Variants in MKLN1 observed in about 807,000 individuals in gnomAD.
MKLN1 encodes the protein muskelin 1, also known as muskelin.
In MKLN1, 18 loss-of-function variants were observed where a neutral mutation model predicts 99.0. The observed-to-expected ratio is 0.18, with a 90% confidence interval of 0.13 to 0.27. The LOEUF (loss-of-function observed/expected upper bound fraction) is 0.27, where lower values mean the gene tolerates loss of function less well. MKLN1 is among the 10% of genes least tolerant of loss of function. The probability of loss-of-function intolerance (pLI) is 1.00; values close to 1 mark genes in which losing one functional copy is unlikely to be tolerated. For synonymous variants in MKLN1, 288 were observed against 293.2 expected (o/e 0.98, Z 0.18); for missense variants, 621 against 875.9 (o/e 0.71, Z 3.67).
At chr7:131,359,737 T>A (rs765420223) in intron 1 of MKLN1, among the ~76,000 whole-genome samples, 10 of 152,120 alleles carry the variant, frequency 6.6e-5, no homozygotes, top group East Asian at 1.9e-4. Flanking sequence ...TCTTTTATTT[T>A]TTTTTTTATT....
intron 12 of MKLN1, among the ~76,000 whole-genome samples, chr7:131,457,854 G>A (rs1464453458): frequency 6.6e-6 from 1 of 152,126 alleles, no homozygotes; most frequent in Non-Finnish European, 1.5e-5. Flanking sequence ...GGCGGAGATT[G>A]CAGTGAGCTG....
chr7:131,182,669 G>C (rs1796392742), intron 2 of MKLN1, among the ~76,000 whole-genome samples: 1 of 152,156 alleles, frequency 6.6e-6, no homozygotes, highest in Non-Finnish European at 1.5e-5. Flanking sequence ...TAAATGAGTT[G>C]TTTTAAGAGT....
intron 3 of MKLN1, among the ~76,000 whole-genome samples, chr7:131,257,390 A>T: frequency 6.6e-6 from 1 of 152,384 alleles, no homozygotes; most frequent in African/African-American, 2.4e-5. Context: ...AAATTACAAA[A>T]TACTTTAAAA....
Position 131,492,385 on chromosome 7 carries a change from T to C in MKLN1, c.*4657T>C, listed in dbSNP as rs1173190364. ...GAAATGATTGCTTTTCTTTTTCTTTTTTTTTCCTTAAATAAAAATAATGCA... is the reference window on the plus strand; with the variant it reads ...GAAATGATTGCTTTTCTTTTTCTTTCTTTTTCCTTAAATAAAAATAATGCA... On this transcript the variant is annotated 3_prime_UTR_variant, in exon 18 of 18. Coordinates refer to ENST00000352689, the MANE Select transcript of MKLN1 (RefSeq NM_013255.5). 6.6e-6 allele frequency: 1 copy of C among 152,180 alleles called. No individual in the cohort carries two copies. Among genetic ancestry groups the C allele is most frequent in the Non-Finnish European group, 1.5e-5 (1 of 68,024 alleles). The allele number at this position is 152,180 out of a possible 1,614,324, so 9.4% of individuals were successfully genotyped here.
At chr7:131,296,549 G>C (rs572108626) in intron 3 of MKLN1, among the ~76,000 whole-genome samples, 93 of 152,210 alleles carry the variant, frequency 6.1e-4, no homozygotes, top group African/African-American at 2.0e-3. Context: ...AAGAACATGG[G>C]TTTGAATTGC....
intron 3 of MKLN1, among the ~76,000 whole-genome samples, chr7:131,220,525 A>G (rs35707181): frequency 0.097 from 14,783 of 152,136 alleles, 859 homozygotes; most frequent in Admixed American, 0.15. Context: ...GAACAAGGAG[A>G]TGGGAGAAAA....
intron 3 of MKLN1, among the ~76,000 whole-genome samples, chr7:131,212,444 C>T (rs1284495854): frequency 6.6e-6 from 1 of 152,194 alleles, no homozygotes; most frequent in Non-Finnish European, 1.5e-5. Context: ...CTCTAACTTC[C>T]TTTGGAGTGA....
chr7:131,259,765 A>G (rs1310607435), intron 3 of MKLN1, among the ~76,000 whole-genome samples: 1 of 152,162 alleles, frequency 6.6e-6, no homozygotes, highest in Non-Finnish European at 1.5e-5. Context: ...ATATTGTGAA[A>G]GCATCACCAC....
chr7:131,161,053 A>T lies in MKLN1; in HGVS notation c.-297+18112A>T, dbSNP rs756312521. Among the ~76,000 whole-genome samples, 43 of 152,258 alleles carry T rather than the reference A, an allele frequency of 2.8e-4. No homozygotes were observed. The Middle Eastern group carries it at 0.014, about 48-fold the overall frequency. On this transcript the variant is annotated intron_variant, in intron 2 of 7. Transcript: ENST00000416992. ...TCTATGCAGAACCCCCACGGAGGCCACTTTTGGTCGCCTTCTCCATACAAT... is the reference window on the plus strand; with the variant it reads ...TCTATGCAGAACCCCCACGGAGGCCTCTTTTGGTCGCCTTCTCCATACAAT...
chr7:131,296,049 T>C (rs1157902788), intron 3 of MKLN1, among the ~76,000 whole-genome samples: 1 of 152,172 alleles, frequency 6.6e-6, no homozygotes, highest in East Asian at 1.9e-4. Flanking sequence ...ACTTACACTG[T>C]CGATGAATAT....
At chr7:131,125,007 C>T (rs1001069138) in intron 1 of MKLN1, among the ~76,000 whole-genome samples, 2 of 152,196 alleles carry the variant, frequency 1.3e-5, no homozygotes, top group Non-Finnish European at 2.9e-5. Context: ...ATTCATAGCC[C>T]GTGCTCTAGG....
intron 1 of MKLN1, among the ~76,000 whole-genome samples, chr7:131,364,806 A>G (rs1270827266): frequency 1.3e-5 from 2 of 152,158 alleles, no homozygotes; most frequent in South Asian, 2.1e-4. Flanking sequence ...TTATGGTTGC[A>G]TAGTATTCCA....
At chr7:131,363,758 G>A (rs571476428) in intron 1 of MKLN1, among the ~76,000 whole-genome samples, 94 of 148,780 alleles carry the variant, frequency 6.3e-4, no homozygotes, top group Middle Eastern at 3.4e-3. Flanking sequence ...ACCATCCCTG[G>A]GAAAAAAAAA....
At chr7:131,166,414 C>G (rs1035689484) in intron 2 of MKLN1, among the ~76,000 whole-genome samples, 10 of 152,144 alleles carry the variant, frequency 6.6e-5, no homozygotes, top group African/African-American at 2.4e-4. Flanking sequence ...CCCTTCAATG[C>G]CTTCTCATCT....
chr7:131,368,494 T>C (rs546177132), intron 1 of MKLN1, among the ~76,000 whole-genome samples: 225 of 152,248 alleles, frequency 1.5e-3, no homozygotes, highest in African/African-American at 5.0e-3. Flanking sequence ...TCAGGAAACT[T>C]ACAGTCATGG....
chr7:131,127,909 T>C (rs1235945034), intron 1 of MKLN1, among the ~76,000 whole-genome samples: 1 of 152,190 alleles, frequency 6.6e-6, no homozygotes, highest in African/African-American at 2.4e-5. Flanking sequence ...TTTGTTTTTG[T>C]TTGCTTATTT....
At position 131,397,392 on chromosome 7, in the gene MKLN1, A is replaced by G; in HGVS notation, c.510+16A>G. ...GTATAGCAAGGTAGGACTGTGTTTT[A>G]AATCCTGACTTTAATGCCTATAAAA... On this transcript the variant is annotated intron_variant, in intron 5 of 17. Transcript: ENST00000352689. The G allele has an allele frequency of 7.2e-7, 1 of 1,397,310 alleles. No homozygotes were observed. Among genetic ancestry groups the G allele is most frequent in the Non-Finnish European group, 9.9e-7 (1 of 1,007,292 alleles). The allele number at this position is 1,397,310 out of a possible 1,614,324, so 86.6% of individuals were successfully genotyped here.
intron 9 of MKLN1, among the ~76,000 whole-genome samples, chr7:131,433,349 C>T (rs937704298): frequency 3.9e-5 from 6 of 152,166 alleles, no homozygotes; most frequent in African/African-American, 1.2e-4. Flanking sequence ...TATATCATAT[C>T]AGGAGACACA....
At chr7:131,120,559 A>AAAAG (rs1554525150) in intron 1 of MKLN1, among the ~76,000 whole-genome samples, 2 of 150,602 alleles carry the variant, frequency 1.3e-5, no homozygotes, top group African/African-American at 2.5e-5. Flanking sequence ...AAAAAAAAAA[A>AAAAG]AAAAAAGAAA....
Sources: gnomAD v4.1 joint callset for allele counts (sites outside exome capture counted in the v4.1 genomes callset) on GRCh38, gnomAD v4.1.1 for gene constraint, MANE v1.5 for transcripts, NCBI Gene and HGNC (gene_info 2026-07-23, HGNC 2026-07-21) for gene names.